Variants in SLC3A1 observed in about 807,000 individuals in gnomAD.
SLC3A1 encodes the protein amino acid transporter heavy chain SLC3A1.
A neutral mutation model predicts 60.3 loss-of-function variants in SLC3A1; 78 were observed. The ratio of observed to expected loss-of-function variants is 1.29; its 90% confidence interval spans 1.08 to 1.56. SLC3A1 has a LOEUF of 1.56. SLC3A1 is among the 40% of genes most tolerant of loss of function. The probability of loss-of-function intolerance (pLI) is 0.00; values close to 1 mark genes in which losing one functional copy is unlikely to be tolerated. For synonymous variants in SLC3A1, 392 were observed against 307.9 expected (o/e 1.27, Z -2.86); for missense variants, 1,172 against 858.9 (o/e 1.36, Z -4.56).
At chr2:44,315,774 G>C (rs975990447) in intron 9 of SLC3A1, among the ~76,000 whole-genome samples, 1 of 151,680 alleles carries the variant, frequency 6.6e-6, no homozygotes, top group African/African-American at 2.4e-5. Context: ...ATTTGCCATG[G>C]CATAATTTCC....
In SLC3A1 at chr2:44,320,989, CCA is replaced by C. The variant is rs1027451468; in HGVS notation, c.*353_*354del. 7 of 395,926 alleles carry C rather than the reference CCA, an allele frequency of 1.8e-5. No individual in the cohort carries two copies. The highest frequency in any genetic ancestry group is 6.1e-5 in the African/African-American group (3 of 49,018). 24.5% of individuals were successfully genotyped at this position (395,926 alleles called of 1,614,324 possible). ...ATAGAAATTAGAGGATGACTCACTGCCACAGTGTCTAAAAGCATTTGCTAGCA... is the reference window on the plus strand; with the variant it reads ...ATAGAAATTAGAGGATGACTCACTGCCAGTGTCTAAAAGCATTTGCTAGCA... On this transcript the variant is annotated 3_prime_UTR_variant, in exon 10 of 10. Coordinates refer to ENST00000260649, the MANE Select transcript of SLC3A1 (RefSeq NM_000341.4).
chr2:44,277,965 G>A (rs1251081218), intron 1 of SLC3A1, among the ~76,000 whole-genome samples: 1 of 152,136 alleles, frequency 6.6e-6, no homozygotes, highest in African/African-American at 2.4e-5. Context: ...TCTAAAATGT[G>A]GGGTGGGATC....
chr2:44,282,057 A>C (rs112979811), intron 3 of SLC3A1, among the ~76,000 whole-genome samples: 28 of 152,152 alleles, frequency 1.8e-4, no homozygotes, highest in Non-Finnish European at 2.6e-4. Context: ...TTTTTAGTAG[A>C]GGTAGGGTTT....
intron 3 of SLC3A1, among the ~76,000 whole-genome samples, chr2:44,283,961 T>C (rs1025996624): frequency 1.3e-5 from 2 of 152,150 alleles, no homozygotes; most frequent in African/African-American, 4.8e-5. Context: ...GTGTGAACAA[T>C]CCATGGTTTA....
At chr2:44,321,683 C>T (rs1672966967), downstream of SLC3A1, 10 of 1,556,736 alleles carry the variant, frequency 6.4e-6, no homozygotes, top group Non-Finnish European at 8.7e-6. Flanking sequence ...GACACAGTGT[C>T]CCTCCCTCCC....
chr2:44,300,413 G>T (rs1014858300), intron 5 of SLC3A1, among the ~76,000 whole-genome samples: 1 of 152,146 alleles, frequency 6.6e-6, no homozygotes, highest in Non-Finnish European at 1.5e-5. Context: ...TCTGACATAG[G>T]CTCAAGTGAG....
intron 5 of SLC3A1, 93 bp downstream of exon 5, chr2:44,300,183 T>C (rs1671966967): frequency 2.2e-6 from 3 of 1,346,296 alleles, no homozygotes; most frequent in Non-Finnish European, 3.2e-6. Flanking sequence ...GTTACAAAGA[T>C]GAGTTTTGTC....
intron 1 of SLC3A1, 90 bp downstream of exon 1, chr2:44,276,055 G>T: frequency 1.7e-6 from 2 of 1,166,036 alleles, no homozygotes. Context: ...TGCCTGGGTT[G>T]TTCAGTAAGC....
intron 4 of SLC3A1, among the ~76,000 whole-genome samples, chr2:44,295,033 C>G (rs1287150653): frequency 6.6e-6 from 1 of 152,096 alleles, no homozygotes; most frequent in Non-Finnish European, 1.5e-5. Context: ...CATGAGCCAC[C>G]ACACCTGGCT....
chr2:44,283,512 G>A (rs1304220540), intron 3 of SLC3A1, among the ~76,000 whole-genome samples: 4 of 152,178 alleles, frequency 2.6e-5, no homozygotes, highest in Admixed American at 6.5e-5. Flanking sequence ...GGCAGACTGA[G>A]GTTACTCAGC....
At chr2:44,289,929 C>G (rs1453911990) in intron 4 of SLC3A1, among the ~76,000 whole-genome samples, 3 of 151,620 alleles carry the variant, frequency 2.0e-5, no homozygotes. Context: ...CTGCGCCTGG[C>G]CCAATTTATT....
downstream of SLC3A1, chr2:44,322,025 A>G (rs1673012609): frequency 2.1e-6 from 2 of 947,824 alleles, no homozygotes; most frequent in African/African-American, 1.7e-5. Context: ...TAAAAAGCAA[A>G]AACCACCATC....
At position 44,300,937 on chromosome 2, in the gene SLC3A1, T is replaced by A. The variant is rs578142934; in HGVS notation, c.1012-66T>A. Reference sequence around the variant, plus strand: ...CCTTTGAAGAGGTTGTCTACATTCATATAGAGCGAGCTGTGGGCATGCAAT... The same window carrying A: ...CCTTTGAAGAGGTTGTCTACATTCAAATAGAGCGAGCTGTGGGCATGCAAT... On this transcript the variant is annotated intron_variant, in intron 5 of 9. Transcript: ENST00000260649. 7.5e-6 allele frequency: 12 copies of A among 1,605,194 alleles called. No individual in the cohort carries two copies. The South Asian group carries it at 1.3e-4, about 18-fold the overall frequency.
chr2:44,275,869 C>T lies in SLC3A1; in HGVS notation c.334C>T (p.Pro112Ser), dbSNP rs369145783. 2 of 1,614,244 alleles carry T rather than the reference C, an allele frequency of 1.2e-6. No homozygotes were observed. The change falls in exon 1 of 10, where the codon CCA becomes TCA. Residue 112 changes from proline (P) to serine (S), a missense_variant. Pro to Ser is a moderately conservative substitution (Grantham distance 74, BLOSUM62 -1). Transcript: ENST00000260649. ...CACCATAGCCATCATTGCCCTCTCT[C>T]CAAAGTGCCTAGACTGGTGGCAGGA... The part of the protein sequence containing the change: ...AATIAIIALS[P>S]KCLDWWQEGP...
chr2:44,318,542 AT>A (rs1347443621), intron 9 of SLC3A1: 1 of 154,158 alleles, frequency 6.5e-6, no homozygotes, highest in Non-Finnish European at 1.4e-5. Context: ...CAGGTATTCA[AT>A]AAAGTATAGA....
chr2:44,282,019 G>A (rs539259495), intron 3 of SLC3A1, among the ~76,000 whole-genome samples: 170 of 152,090 alleles, frequency 1.1e-3, no homozygotes, highest in Middle Eastern at 3.4e-3. Flanking sequence ...TTACAGGCGC[G>A]CGTCATCATA....
At chr2:44,290,052 C>G (rs954392880) in intron 4 of SLC3A1, among the ~76,000 whole-genome samples, 1 of 149,908 alleles carries the variant, frequency 6.7e-6, no homozygotes, top group Non-Finnish European at 1.5e-5. Flanking sequence ...CAGTTTTAGT[C>G]TTACATTTTA....
intron 9 of SLC3A1, chr2:44,314,165 CAT>C (rs1220731895): frequency 1.7e-6 from 2 of 1,186,684 alleles, no homozygotes; most frequent in Non-Finnish European, 2.3e-6. Flanking sequence ...AGTGAAGTAT[CAT>C]ATAGAATATA....
intron 4 of SLC3A1, among the ~76,000 whole-genome samples, chr2:44,295,010 C>T (rs1671818704): frequency 6.6e-6 from 1 of 152,070 alleles, no homozygotes; most frequent in Non-Finnish European, 1.5e-5. Context: ...TCTGAAAGTG[C>T]TAGGATTACA....
Sources: allele counts gnomAD v4.1 joint callset (sites outside exome capture counted in the v4.1 genomes callset), GRCh38; gene constraint gnomAD v4.1.1; transcripts MANE v1.5; gene names NCBI Gene and HGNC (gene_info 2026-07-23, HGNC 2026-07-21).